Variants in MEIS1 observed in about 807,000 individuals in gnomAD.
MEIS1 encodes homeobox protein Meis1.
MEIS1 carries 5 observed loss-of-function variants against 50.8 expected under a neutral mutation model. The observed-to-expected ratio is 0.10, with a 90% CI of 0.05 to 0.21. The LOEUF (loss-of-function observed/expected upper bound fraction) is 0.21. Ranked by LOEUF, MEIS1 falls within the 10% of genes least tolerant of loss-of-function variation. The pLI, the probability that MEIS1 is intolerant of heterozygous loss-of-function variation, is 1.00. For synonymous variants in MEIS1, 176 were observed against 179.3 expected (o/e 0.98, Z 0.15); for missense variants, 318 against 517.3 (o/e 0.61, Z 3.74).
intron 9 of MEIS1, among the ~76,000 whole-genome samples, chr2:66,560,947 A>G (rs1308949121): frequency 6.6e-6 from 1 of 152,214 alleles, no homozygotes; most frequent in African/African-American, 2.4e-5. Context: ...ACATGATTTC[A>G]TAAGGTTTGA....
intron 7 of MEIS1, among the ~76,000 whole-genome samples, chr2:66,494,395 G>T (rs1294998491): frequency 1.3e-5 from 2 of 152,086 alleles, no homozygotes; most frequent in Non-Finnish European, 2.9e-5. Flanking sequence ...TTTTTCTACT[G>T]CCTCCCCTTC....
chr2:66,545,700 T>TA (rs1488879730), intron 8 of MEIS1, among the ~76,000 whole-genome samples: 1 of 152,220 alleles, frequency 6.6e-6, no homozygotes, highest in East Asian at 1.9e-4. Flanking sequence ...CAGTGGGAGT[T>TA]ATGTTTTAAA....
rs771656665 is a variant in MEIS1, at chr2:66,569,155, A to C, written c.*37+10A>C. Reference sequence around the variant, plus strand: ...GCAAAGCAAGGGGGAAGTAAGTACAAATGGGGTCTTTGTTTTCACTTTGTC... The same window carrying C: ...GCAAAGCAAGGGGGAAGTAAGTACACATGGGGTCTTTGTTTTCACTTTGTC... On this transcript the variant is annotated intron_variant, in intron 12 of 12. Coordinates refer to ENST00000272369, the MANE Select transcript of MEIS1 (RefSeq NM_002398.3). 1 of 1,599,324 alleles carries C rather than the reference A, an allele frequency of 6.3e-7. No homozygotes were observed.
chr2:66,504,337 G>T (rs534142054), intron 7 of MEIS1, among the ~76,000 whole-genome samples: 1 of 151,940 alleles, frequency 6.6e-6, no homozygotes, highest in Non-Finnish European at 1.5e-5. Context: ...GGGTTCAAGC[G>T]ATTCTCCTGC....
At chr2:66,568,882 A>G (rs1165460034) in intron 11 of MEIS1, 126 bp downstream of exon 11, 22 of 1,085,824 alleles carry the variant, frequency 2.0e-5, no homozygotes, top group Non-Finnish European at 3.1e-5. Flanking sequence ...CTTGTCTGCT[A>G]TCTGTGCATC....
At chr2:66,497,709 A>G (rs1220404086) in intron 7 of MEIS1, among the ~76,000 whole-genome samples, 2 of 152,220 alleles carry the variant, frequency 1.3e-5, no homozygotes, top group African/African-American at 2.4e-5. Context: ...AGCCCAGGCA[A>G]CATGTGAGAC....
At chr2:66,533,937 C>T (rs1420677480) in intron 8 of MEIS1, among the ~76,000 whole-genome samples, 2 of 152,196 alleles carry the variant, frequency 1.3e-5, no homozygotes, top group Admixed American at 1.3e-4. Flanking sequence ...CTAGTCATAT[C>T]TTCTTCCCTG....
rs1311189915 is a variant in MEIS1 at position 66,547,474 on chromosome 2, A to G, written c.889-469A>G. On this transcript the variant is annotated intron_variant, in intron 8 of 12. Transcript: ENST00000272369. ...TAATAGCACCCACTTTAGATTTGAT[A>G]TTTGCATCTGGCAATATGGTGTTTT... is the stretch of plus-strand genomic sequence containing the variant. Among the ~76,000 whole-genome samples the G allele has an allele frequency of 2.0e-5, 3 of 152,036 alleles. No individual in the cohort carries two copies. The East Asian group carries it at 5.8e-4, about 29-fold the overall frequency.
chr2:66,541,808 C>G (rs1343325627), intron 8 of MEIS1, among the ~76,000 whole-genome samples: 3 of 152,220 alleles, frequency 2.0e-5, no homozygotes, highest in Non-Finnish European at 2.9e-5. Context: ...CAGGACTCAA[C>G]TACTATGCAT....
intron 7 of MEIS1, among the ~76,000 whole-genome samples, chr2:66,475,413 T>C (rs1359609661): frequency 6.6e-6 from 1 of 150,448 alleles, no homozygotes. Context: ...TTAAGGAAAT[T>C]AATAAAAGTT....
chr2:66,508,157 C>G (rs902542816), intron 7 of MEIS1, among the ~76,000 whole-genome samples: 2 of 152,194 alleles, frequency 1.3e-5, no homozygotes, highest in Non-Finnish European at 2.9e-5. Flanking sequence ...TCCCCCTGCT[C>G]GTTAGAAACC....
At chr2:66,535,400 C>T (rs1674494489) in intron 8 of MEIS1, among the ~76,000 whole-genome samples, 1 of 152,180 alleles carries the variant, frequency 6.6e-6, no homozygotes, top group Non-Finnish European at 1.5e-5. Flanking sequence ...CCAAACTATT[C>T]TTCAAGTTAA....
chr2:66,519,926 A>G (rs1558548043), intron 8 of MEIS1, among the ~76,000 whole-genome samples: 1 of 152,166 alleles, frequency 6.6e-6, no homozygotes. Flanking sequence ...TTCATTTCTT[A>G]ATAATCTATG....
At chr2:66,539,648 T>C (rs1385377374) in intron 8 of MEIS1, among the ~76,000 whole-genome samples, 2 of 152,206 alleles carry the variant, frequency 1.3e-5, no homozygotes, top group African/African-American at 2.4e-5. Context: ...AGGAGTCATA[T>C]AAGTGAAGCA....
At chr2:66,502,337 T>C (rs142015098) in intron 7 of MEIS1, among the ~76,000 whole-genome samples, 174 of 152,336 alleles carry the variant, frequency 1.1e-3, no homozygotes, top group African/African-American at 4.1e-3. Context: ...CCATGAACTC[T>C]TTTATAAGAA....
At chr2:66,529,797 G>A (rs917306673) in intron 8 of MEIS1, among the ~76,000 whole-genome samples, 1 of 152,138 alleles carries the variant, frequency 6.6e-6, no homozygotes, top group Non-Finnish European at 1.5e-5. Context: ...TTAATATTTA[G>A]GAGAAAGGAT....
chr2:66,459,219 A>T lies in MEIS1; in HGVS notation c.631-4890A>T, dbSNP rs541748298. 2.6e-5 allele frequency among the ~76,000 whole-genome samples: 4 copies of T among 152,180 alleles called. No homozygotes were observed. In the South Asian group the frequency reaches 8.3e-4, roughly 31 times the overall value. ...ATCAGGGGCTGGGGTCAGGCAGGGC[A>T]GAGCAAGGCACTGCAGGCAGAGGAG... On this transcript the variant is annotated intron_variant, in intron 6 of 12. Coordinates refer to ENST00000272369, the MANE Select transcript of MEIS1 (RefSeq NM_002398.3).
At position 66,524,778 on chromosome 2, in the gene MEIS1, T is replaced by C. The variant is rs150305874; in HGVS notation, c.888+12484T>C. 3.1e-3 allele frequency among the ~76,000 whole-genome samples: 476 copies of C among 152,320 alleles called. 2 individuals are homozygous for C. Among genetic ancestry groups the C allele is most frequent in the Middle Eastern group, 6.8e-3 (2 of 294 alleles). On this transcript the variant is annotated intron_variant, in intron 8 of 12. Transcript: ENST00000272369. Reference sequence around the variant, plus strand: ...TTCTCCGAACTTGTCAAATTTATCATGTGATTTAACAATGAACACATCTGG... The same window carrying C: ...TTCTCCGAACTTGTCAAATTTATCACGTGATTTAACAATGAACACATCTGG...
intron 7 of MEIS1, among the ~76,000 whole-genome samples, chr2:66,509,983 A>T (rs1305737932): frequency 6.6e-6 from 1 of 152,156 alleles, no homozygotes; most frequent in African/African-American, 2.4e-5. Flanking sequence ...TATTTTTTTT[A>T]AAGGTGGAAA....
Sources: gnomAD v4.1 joint callset for allele counts (sites outside exome capture counted in the v4.1 genomes callset) on GRCh38, gnomAD v4.1.1 for gene constraint, MANE v1.5 for transcripts, NCBI Gene and HGNC (gene_info 2026-07-23, HGNC 2026-07-21) for gene names.